CYLC1: variants seen among roughly 807,000 people sequenced by gnomAD.
CYLC1 encodes the protein cylicin-1.
A neutral mutation model predicts 31.6 loss-of-function variants in CYLC1; 2 were observed. The ratio of observed to expected loss-of-function variants is 0.06; its 90% CI spans 0.03 to 0.20. The LOEUF is 0.20. Ranked by LOEUF, CYLC1 falls within the 10% of genes least tolerant of loss-of-function variation. The pLI, the probability that CYLC1 is intolerant of heterozygous loss-of-function variation, is 1.00. For synonymous variants in CYLC1, 185 were observed against 153.0 expected (o/e 1.21, Z -1.54); for missense variants, 595 against 424.1 (o/e 1.40, Z -3.54).
intron 4 of CYLC1, among the ~76,000 whole-genome samples, chrX:83,878,017 A>C (rs182364713): frequency 5.7e-5 from 3 of 52,245 alleles, no homozygotes; most frequent in African/African-American, 2.0e-4. Context: ...TATATATATA[A>C]AAATATATAT....
At position 83,874,252 on chromosome X, in the gene CYLC1, A is replaced by T. The variant is rs759428348; in HGVS notation, c.1544A>T (p.Lys515Met). The change falls in exon 4 of 5, where the codon AAG becomes ATG. Residue 515 changes from lysine (K) to methionine (M), a missense_variant. Physicochemically the swap from Lys to Met is moderately conservative, Grantham distance 95. Transcript: ENST00000329312. ...AAAGATATCAAGAAGGATGCAAGAA[A>T]GGACACAGAGTCTACTGATGCTGAA... Reference protein sequence around the residue: ...SKKDIKKDARKDTESTDAEFD... With the variant: ...SKKDIKKDARMDTESTDAEFD... The T allele has an allele frequency of 8.3e-7, 1 of 1,207,261 alleles. No individual in the cohort carries two copies. The highest frequency in any genetic ancestry group is 1.8e-5 in the African/African-American group (1 of 56,998).
intron 1 of CYLC1, among the ~76,000 whole-genome samples, chrX:83,863,014 A>G (rs962579581): frequency 9.0e-6 from 1 of 111,493 alleles, no homozygotes; most frequent in African/African-American, 3.3e-5. Context: ...TCATCAACTT[A>G]TATCACCTGT....
chrX:83,874,721 A>T (rs1019978288), intron 4 of CYLC1, 90 bp downstream of exon 4: 2 of 959,300 alleles, frequency 2.1e-6, no homozygotes, highest in Non-Finnish European at 1.4e-6. Flanking sequence ...TCCAAATAAT[A>T]GTTATCTTTT....
chrX:83,873,263 C>T lies in CYLC1; in HGVS notation c.555C>T (p.Ser185=), dbSNP rs980763849. The part of the protein sequence containing the change: ...SKSSSETNPE[S]QNSKTVSKNC... The stretch of plus-strand genomic sequence containing the variant: ...CCAGTTCAGAAACTAATCCAGAATC[C>T]CAAAATTCTAAGACAGTCTCAAAAA... The change falls in exon 4 of 5, where the codon TCC becomes TCT. Residue 185 remains serine (S), a synonymous_variant. Transcript: ENST00000329312. 1 of 1,198,791 alleles carries T rather than the reference C, an allele frequency of 8.3e-7. No individual in the cohort carries two copies. Among genetic ancestry groups the T allele is most frequent in the Non-Finnish European group, 1.1e-6 (1 of 889,544 alleles).
At position 83,869,888 on chromosome X, in the gene CYLC1, A is replaced by G; in HGVS notation, c.41A>G (p.Tyr14Cys). Residue 14 changes from tyrosine to cysteine, a missense_variant, in exon 2 of 5, where the codon TAT (tyrosine) becomes TGT (cysteine). By Grantham distance (194) the Tyr-to-Cys change is radical. Transcript: ENST00000329312. ...AGGCTAAAAGTAAACATCAGAACATATGATAATTCCATTCCAAGTAAGAAT... is the reference window on the plus strand; with the variant it reads ...AGGCTAAAAGTAAACATCAGAACATGTGATAATTCCATTCCAAGTAAGAAT... ...PRLLKVNIRT[Y>C]DNSIPISESS... 1 of 837,004 alleles carries G rather than the reference A, an allele frequency of 1.2e-6. No homozygotes were observed. The highest frequency in any genetic ancestry group is 1.6e-6 in the Non-Finnish European group (1 of 636,529). The allele number at this position is 837,004 out of a possible 1,213,427, so 69.0% of individuals were successfully genotyped here.
At chrX:83,870,937 C>T (rs1427263367) in intron 2 of CYLC1, among the ~76,000 whole-genome samples, 2 of 110,508 alleles carry the variant, frequency 1.8e-5, no homozygotes, top group African/African-American at 3.3e-5. Flanking sequence ...TCCTGTGGTT[C>T]GGGATGCCAC....
At chrX:83,875,338 C>A (rs1340809000) in intron 4 of CYLC1, among the ~76,000 whole-genome samples, 1 of 111,258 alleles carries the variant, frequency 9.0e-6, no homozygotes, top group Non-Finnish European at 1.9e-5. Context: ...TAAGGGAAAG[C>A]ATAAATAGAC....
intron 1 of CYLC1, among the ~76,000 whole-genome samples, chrX:83,862,742 C>T (rs1270666269): frequency 9.0e-6 from 1 of 111,379 alleles, no homozygotes; most frequent in Non-Finnish European, 1.9e-5. Context: ...CTTTGAAACT[C>T]ACTGTCATCA....
rs1277341592 is a variant in CYLC1, at chrX:83,874,381, T to A, written c.1673T>A (p.Ile558Asn). The A allele has an allele frequency of 8.3e-7, 1 of 1,207,656 alleles. No individual in the cohort carries two copies. The highest frequency in any genetic ancestry group is 3.0e-5 in the East Asian group (1 of 33,639). The change falls in exon 4 of 5, where the codon ATT becomes AAT. Residue 558 changes from isoleucine (I) to asparagine (N), a missense_variant. Transcript: ENST00000329312. Reference protein sequence around the residue: ...SLYKPGAKKKIDESDGTSANS... With the variant: ...SLYKPGAKKKNDESDGTSANS... ...TATAAACCTGGGGCTAAGAAGAAAATTGATGAATCAGATGGCACATCTGCA... is the reference window on the plus strand; with the variant it reads ...TATAAACCTGGGGCTAAGAAGAAAAATGATGAATCAGATGGCACATCTGCA...
At chrX:83,867,499 A>C (rs2031607558) in intron 1 of CYLC1, among the ~76,000 whole-genome samples, 1 of 111,720 alleles carries the variant, frequency 9.0e-6, no homozygotes, top group South Asian at 3.7e-4. Context: ...TCTGGATGTC[A>C]AAAACCTAAA....
chrX:83,861,223 T>C (rs1435286298), intron 1 of CYLC1, 24 bp downstream of exon 1: 2 of 1,120,799 alleles, frequency 1.8e-6, no homozygotes, highest in Non-Finnish European at 2.4e-6. Flanking sequence ...TTAATATTTT[T>C]TTAGTATTTT....
At chrX:83,878,104 A>G (rs1259245346) in intron 4 of CYLC1, among the ~76,000 whole-genome samples, 2 of 55,375 alleles carry the variant, frequency 3.6e-5, no homozygotes, top group African/African-American at 7.7e-5. Context: ...ATATAAATAT[A>G]AATATATATA....
chrX:83,865,319 CT>C (rs777305008), intron 1 of CYLC1, among the ~76,000 whole-genome samples: 97 of 111,261 alleles, frequency 8.7e-4, no homozygotes, highest in South Asian at 6.4e-3. Flanking sequence ...CGATTGCCCT[CT>C]TTCTCTAGCA....
At position 83,873,115 on chromosome X, in the gene CYLC1, G is replaced by A. The variant is rs773438086; in HGVS notation, c.407G>A (p.Gly136Asp). 2.5e-6 allele frequency: 3 copies of A among 1,195,131 alleles called. No individual in the cohort carries two copies. The highest frequency in any genetic ancestry group is 3.7e-5 in the South Asian group (2 of 53,956). Residue 136 changes from glycine to aspartate, a missense_variant, in exon 4 of 5, where the codon GGT becomes GAT. Coordinates refer to ENST00000329312, the MANE Select transcript of CYLC1 (RefSeq NM_021118.3). Reference sequence around the variant, plus strand: ...AAGAAAGATTCCAAGAAAAAAGGAGGTTCATATGCAACAAATCCAGAATCC... The same window carrying A: ...AAGAAAGATTCCAAGAAAAAAGGAGATTCATATGCAACAAATCCAGAATCC... ...PLKKDSKKKG[G>D]SYATNPESKQ...
In CYLC1 at chrX:83,873,757, A is replaced by T; in HGVS notation, c.1049A>T (p.Asp350Val). ...GATGAAAGGAAAGATACAAAGAAGG[A>T]TAAGAAAAAATTAAAGAAAGATGAC... ...SKDERKDTKK[D>V]KKKLKKDDKK... The change falls in exon 4 of 5, where the codon GAT becomes GTT. Residue 350 changes from aspartate to valine, a missense_variant. Coordinates refer to ENST00000329312, the MANE Select transcript of CYLC1 (RefSeq NM_021118.3). 8.4e-7 allele frequency: 1 copy of T among 1,190,090 alleles called. No homozygotes were observed. Among genetic ancestry groups the T allele is most frequent in the Non-Finnish European group, 1.1e-6 (1 of 882,959 alleles).
At chrX:83,876,853 C>T (rs1168817696) in intron 4 of CYLC1, among the ~76,000 whole-genome samples, 2 of 110,684 alleles carry the variant, frequency 1.8e-5, no homozygotes, top group Non-Finnish European at 3.8e-5. Flanking sequence ...TTGTCCTGGA[C>T]ACTCTTTATT....
At chrX:83,865,039 A>G (rs2031573725) in intron 1 of CYLC1, among the ~76,000 whole-genome samples, 1 of 111,160 alleles carries the variant, frequency 9.0e-6, no homozygotes, top group Admixed American at 9.7e-5. Context: ...TGAATTCTAA[A>G]TTTATATCTC....
In CYLC1 at chrX:83,886,687, G is replaced by A; in HGVS notation, c.*103G>A. On this transcript the variant is annotated 3_prime_UTR_variant, in exon 5 of 5. Coordinates refer to ENST00000329312, the MANE Select transcript of CYLC1 (RefSeq NM_021118.3). ...CTCTGTGGAACTGAAATAAAAACAA[G>A]TCTTCCATGAGTATCAAGAGTTGCT... 2 of 696,528 alleles carry A rather than the reference G, an allele frequency of 2.9e-6. No individual in the cohort carries two copies. The highest frequency in any genetic ancestry group is 4.4e-6 in the Non-Finnish European group (2 of 451,092). 57.4% of individuals were successfully genotyped at this position (696,528 alleles called of 1,213,427 possible). A position where few individuals can be genotyped will look rare whatever the true frequency, so the allele number is the denominator to read the frequency against.
intron 4 of CYLC1, among the ~76,000 whole-genome samples, chrX:83,879,514 C>A (rs2031879879): frequency 8.9e-6 from 1 of 112,128 alleles, no homozygotes; most frequent in African/African-American, 3.2e-5. Context: ...TTATTTCCAA[C>A]TTGCTTGTGA....
Sources: gnomAD v4.1 joint callset for allele counts (sites outside exome capture counted in the v4.1 genomes callset) on GRCh38, gnomAD v4.1.1 for gene constraint, MANE v1.5 for transcripts, NCBI Gene and HGNC (gene_info 2026-07-23, HGNC 2026-07-21) for gene names.